Variants in SORCS1 observed in about 807,000 individuals in gnomAD.
The protein encoded by SORCS1 is sortilin related VPS10 domain containing receptor 1, also known as VPS10 domain-containing receptor SorCS1.
Under a neutral mutation model 146.1 loss-of-function variants are expected in SORCS1, and 60 were observed. That is an observed-to-expected ratio of 0.41 (90% confidence interval 0.33 to 0.51). SORCS1 has a LOEUF of 0.51. Ranked by LOEUF, SORCS1 falls within the 20% of genes least tolerant of loss-of-function variation. SORCS1 has a pLI of 0.21. For synonymous variants in SORCS1, 637 were observed against 584.0 expected, an observed-to-expected ratio of 1.09 and a Z score of -1.31; for missense variants, 1,352 against 1,487.6, an observed-to-expected ratio of 0.91 and a Z score of 1.50.
chr10:106,621,650 C>T (rs7914387), intron 19 of SORCS1, among the ~76,000 whole-genome samples: 12,386 of 151,734 alleles, frequency 0.082, 587 homozygotes, highest in East Asian at 0.2. Flanking sequence ...TCTCAAGGAC[C>T]CTGTTATTTC....
intron 2 of SORCS1, among the ~76,000 whole-genome samples, chr10:106,914,706 A>G (rs981326605): frequency 6.6e-6 from 1 of 152,184 alleles, no homozygotes; most frequent in African/African-American, 2.4e-5. Context: ...GAATTATCCA[A>G]TTAGCTCATT....
At chr10:107,016,266 T>G (rs978732507) in intron 1 of SORCS1, among the ~76,000 whole-genome samples, 4 of 152,318 alleles carry the variant, frequency 2.6e-5, no homozygotes, top group African/African-American at 9.6e-5. Context: ...TTTTCTATAA[T>G]GGCACTGAGT....
At chr10:106,738,257 G>A (rs1262130528) in intron 5 of SORCS1, among the ~76,000 whole-genome samples, 1 of 152,162 alleles carries the variant, frequency 6.6e-6, no homozygotes, top group Non-Finnish European at 1.5e-5. Context: ...ATATGCGATT[G>A]TCTAATAATT....
chr10:106,906,002 C>A (rs1951893614), intron 2 of SORCS1, among the ~76,000 whole-genome samples: 1 of 152,194 alleles, frequency 6.6e-6, no homozygotes, highest in Non-Finnish European at 1.5e-5. Flanking sequence ...TACCTCACAT[C>A]AACACTCTTT....
intron 2 of SORCS1, among the ~76,000 whole-genome samples, chr10:106,893,019 C>T (rs568088129): frequency 2.6e-5 from 4 of 151,598 alleles, no homozygotes; most frequent in Admixed American, 6.6e-5. Context: ...CTCAGCCTCC[C>T]GAGTAGCTGG....
intron 2 of SORCS1, among the ~76,000 whole-genome samples, chr10:106,909,809 G>A (rs1000113132): frequency 3.3e-5 from 5 of 152,036 alleles, no homozygotes; most frequent in East Asian, 1.9e-4. Context: ...ATCTATGCAC[G>A]TATACACACA....
intron 1 of SORCS1, among the ~76,000 whole-genome samples, chr10:107,138,198 C>T (rs1967497836): frequency 6.6e-6 from 1 of 152,090 alleles, no homozygotes; most frequent in Non-Finnish European, 1.5e-5. Context: ...TCTCTCCACC[C>T]CTTAAATCCT....
At chr10:106,688,099 A>G (rs1853000560) in intron 10 of SORCS1, 93 bp downstream of exon 10, 13 of 1,508,950 alleles carry the variant, frequency 8.6e-6, no homozygotes, top group African/African-American at 1.4e-5. Context: ...TCATCAACTG[A>G]GCAAAAGTCC....
intron 1 of SORCS1, among the ~76,000 whole-genome samples, chr10:107,145,604 A>G (rs1484005696): frequency 6.6e-6 from 1 of 152,260 alleles, no homozygotes; most frequent in African/African-American, 2.4e-5. Context: ...AAATTTAAGC[A>G]GGTCTAAAAA....
intron 9 of SORCS1, among the ~76,000 whole-genome samples, chr10:106,688,722 T>TG (rs1853065241): frequency 6.6e-6 from 1 of 152,190 alleles, no homozygotes; most frequent in Non-Finnish European, 1.5e-5. Flanking sequence ...CAGATCTCAC[T>TG]TAATCCTTAA....
At chr10:106,829,993 T>C (rs1289014078) in intron 2 of SORCS1, among the ~76,000 whole-genome samples, 1 of 152,226 alleles carries the variant, frequency 6.6e-6, no homozygotes, top group Non-Finnish European at 1.5e-5. Flanking sequence ...AAAGAGTTTT[T>C]AGTCAGATAT....
At chr10:106,726,759 C>T (rs549463548) in intron 6 of SORCS1, among the ~76,000 whole-genome samples, 2 of 152,236 alleles carry the variant, frequency 1.3e-5, no homozygotes, top group South Asian at 2.1e-4. Context: ...TTCACAGACC[C>T]GCAGCATGGA....
intron 1 of SORCS1, among the ~76,000 whole-genome samples, chr10:106,988,623 T>C (rs1440957423): frequency 6.6e-6 from 1 of 152,150 alleles, no homozygotes; most frequent in African/African-American, 2.4e-5. Flanking sequence ...TTTGACTGCC[T>C]TTCCAGAATT....
At chr10:106,579,171 T>A in intron 25 of SORCS1, 198 bp downstream of exon 25, 1 of 1,614,124 alleles carries the variant, frequency 6.2e-7, no homozygotes, top group Non-Finnish European at 8.5e-7. Context: ...GGGCCTGCTT[T>A]CAGAGTGACT....
At chr10:106,712,516 A>T (rs1855072223) in intron 6 of SORCS1, among the ~76,000 whole-genome samples, 1 of 152,234 alleles carries the variant, frequency 6.6e-6, no homozygotes, top group African/African-American at 2.4e-5. Context: ...AAGCATAAAC[A>T]TCATGTTCTA....
At chr10:107,097,529 G>A (rs1964623108) in intron 1 of SORCS1, among the ~76,000 whole-genome samples, 1 of 152,090 alleles carries the variant, frequency 6.6e-6, no homozygotes, top group Non-Finnish European at 1.5e-5. Flanking sequence ...TTCCAAAGCT[G>A]GAATGAGAGA....
At chr10:106,590,560 A>G (rs758626855) in intron 24 of SORCS1, among the ~76,000 whole-genome samples, 5 of 152,192 alleles carry the variant, frequency 3.3e-5, no homozygotes, top group African/African-American at 7.2e-5. Flanking sequence ...TTCTTCCACA[A>G]GTAACTATAT....
intron 1 of SORCS1, among the ~76,000 whole-genome samples, chr10:106,971,795 G>A (rs1383495005): frequency 6.6e-6 from 1 of 152,162 alleles, no homozygotes; most frequent in African/African-American, 2.4e-5. Context: ...TTCTATCTAG[G>A]AAAAGACAGC....
chr10:106,677,353 C>G lies in SORCS1; in HGVS notation c.1792G>C (p.Val598Leu). 1.2e-6 allele frequency: 2 copies of G among 1,613,952 alleles called. No homozygotes were observed. The highest frequency in any genetic ancestry group is 1.7e-6 in the Non-Finnish European group (2 of 1,179,884). ...GGGAGAGATGTGTGTTTCATAGCAA[C>G]CAGGACTCCACCTTGATCCAGGTAC... is the stretch of plus-strand genomic sequence containing the variant. ...VLYLDQGGVL[V>L]AMKHTSLPIR... Residue 598 changes from valine (V) to leucine (L), a missense_variant, in exon 13 of 26, where the codon GTT (valine) becomes CTT (leucine). Val to Leu is a conservative substitution (Grantham distance 32). Coordinates refer to ENST00000263054, the MANE Select transcript of SORCS1 (RefSeq NM_052918.5).
Sources: allele counts gnomAD v4.1 joint callset (sites outside exome capture counted in the v4.1 genomes callset), GRCh38; gene constraint gnomAD v4.1.1; transcripts MANE v1.5; gene names NCBI Gene and HGNC (gene_info 2026-07-23, HGNC 2026-07-21).